Variants in SWSAP1 observed in about 807,000 individuals in gnomAD.
SWSAP1 encodes SWIM-type zinc finger 7 associated protein 1, also known as ATPase SWSAP1.
In SWSAP1, 4 loss-of-function variants were observed where a neutral mutation model predicts 5.6. The observed-to-expected ratio is 0.72, with a 90% CI of 0.35 to 1.64. SWSAP1 has a LOEUF of 1.64. SWSAP1 is among the 40% of genes most tolerant of loss of function. SWSAP1 has a pLI of 0.05. For synonymous variants in SWSAP1, 139 were observed against 143.3 expected (o/e 0.97, Z 0.22); for missense variants, 354 against 319.8 (o/e 1.11, Z -0.82).
rs1411739576 is a variant in SWSAP1, at chr19:11,375,905, A to G, written c.642A>G (p.Thr214=). Residue 214 remains threonine (T), a synonymous_variant, in exon 2 of 2, where the codon ACA becomes ACG. Coordinates refer to ENST00000674460, the MANE Select transcript of SWSAP1 (RefSeq NM_175871.4). ...AGCCAGGCGGGCTGGGCCCCAGAAC[A>G]GAGTGGTGGGTGACTTTCCGATCAG... ...CLEPGGLGPR[T]EWWVTFRSDG... is the part of the protein sequence containing the mutation. 4 of 1,614,060 alleles carry G rather than the reference A, an allele frequency of 2.5e-6. No individual in the cohort carries two copies. The highest frequency in any genetic ancestry group is 3.4e-6 in the Non-Finnish European group (4 of 1,180,014).
chr19:11,375,801 C>T lies in SWSAP1; in HGVS notation c.538C>T (p.Gln180Ter). ...SGDVLHLALL[Q>*]RYFPAQCWLQ... Reference sequence around the variant, plus strand: ...GGACGTCCTGCACCTGGCACTGCTCCAGCGGTATTTTCCTGCCCAGTGCTG... The same window carrying T: ...GGACGTCCTGCACCTGGCACTGCTCTAGCGGTATTTTCCTGCCCAGTGCTG... The change falls in exon 2 of 2, where the codon CAG becomes TAG. Residue 180 changes from glutamine to a stop codon, truncating the protein, a stop_gained. Transcript: ENST00000674460. LOFTEE classifies it low-confidence loss of function (END_TRUNC). 1 of 1,614,206 alleles carries T rather than the reference C, an allele frequency of 6.2e-7. No individual in the cohort carries two copies. The highest frequency in any genetic ancestry group is 8.5e-7 in the Non-Finnish European group (1 of 1,180,046).
intron 1 of SWSAP1, 100 bp from the exon 2 acceptor site, chr19:11,375,413 A>G: frequency 1.3e-6 from 2 of 1,507,324 alleles, no homozygotes; most frequent in Non-Finnish European, 1.8e-6. Context: ...GAACTGGTTC[A>G]TCCTGGAACC....
At chr19:11,374,982 G>A (rs1968260049) in intron 1 of SWSAP1, 53 bp downstream of exon 1, 3 of 1,595,336 alleles carry the variant, frequency 1.9e-6, no homozygotes, top group African/African-American at 1.3e-5. Context: ...GAGTAGATCC[G>A]GGATATTGAG....
In SWSAP1 at chr19:11,374,936, G is replaced by A. The variant is rs200765940; in HGVS notation, c.249+7G>A. ...AGACCCAATGCGACTCCAGGTAACC[G>A]TGGGGGTGGGAGCAGAGGCGTTCTA... On this transcript the variant is annotated splice_region_variant and intron_variant, in intron 1 of 1. Transcript: ENST00000674460. 6.2e-7 allele frequency: 1 copy of A among 1,612,838 alleles called. No homozygotes were observed. Among genetic ancestry groups the A allele is most frequent in the African/African-American group, 1.3e-5 (1 of 75,054 alleles).
In SWSAP1 at chr19:11,375,482, TC is replaced by T. The variant is rs1326709040; in HGVS notation, c.250-29del. The T allele has an allele frequency of 2.5e-6, 4 of 1,577,912 alleles. No individual in the cohort carries two copies. In the Admixed American group the frequency reaches 7.5e-5, roughly 30 times the overall value. On this transcript the variant is annotated intron_variant, in intron 1 of 1. Coordinates refer to ENST00000674460, the MANE Select transcript of SWSAP1 (RefSeq NM_175871.4). ...AAGGAGTCTGGCTTCCTGTGCTGAA[TC>T]CGGCCCTTTCCTTCTGTTTCTCCTT...
chr19:11,375,990 G>T lies in SWSAP1; in HGVS notation c.727G>T (p.Gly243Cys). ...GGCTGGTGACCCCAGCTCAGGCAAG[G>T]GTTCAAGCTCTGGAGGCCAGCCCTG... is the stretch of plus-strand genomic sequence containing the variant. Reference protein sequence around the residue: ...TQAGDPSSGKGSSSGGQP With the variant: ...TQAGDPSSGKCSSSGGQP The change falls in exon 2 of 2, where the codon GGT (glycine) becomes TGT (cysteine). Residue 243 changes from glycine (G) to cysteine (C), a missense_variant. Coordinates refer to ENST00000674460, the MANE Select transcript of SWSAP1 (RefSeq NM_175871.4). 1.2e-6 allele frequency: 2 copies of T among 1,607,676 alleles called. No individual in the cohort carries two copies. Among genetic ancestry groups the T allele is most frequent in the Non-Finnish European group, 1.7e-6 (2 of 1,176,496 alleles).
Position 11,376,168 on chromosome 19 carries a change from A to G in SWSAP1, c.*152A>G. 4 of 760,312 alleles carry G rather than the reference A, an allele frequency of 5.3e-6. No individual in the cohort carries two copies. Among genetic ancestry groups the G allele is most frequent in the Non-Finnish European group, 6.1e-6 (3 of 491,710 alleles). The allele number at this position is 760,312 out of a possible 1,614,324, so 47.1% of individuals were successfully genotyped here. A position where few individuals can be genotyped will look rare whatever the true frequency, so the allele number is the denominator to read the frequency against. ...TATCTTGTATATATTTTACCCAATC[A>G]ATATGTTGTTTATAGTTTCATTGCT... On this transcript the variant is annotated 3_prime_UTR_variant, in exon 2 of 2. Transcript: ENST00000674460.
At chr19:11,375,486 G>A (rs763559125) in intron 1 of SWSAP1, 27 bp from the exon 2 acceptor site, 2 of 1,582,778 alleles carry the variant, frequency 1.3e-6, no homozygotes, top group Admixed American at 1.9e-5. Flanking sequence ...GCTGAATCCG[G>A]CCCTTTCCTT....
At position 11,375,838 on chromosome 19, in the gene SWSAP1, A is replaced by G. The variant is rs317926; in HGVS notation, c.575A>G (p.Asp192Gly). 2.4e-3 allele frequency: 3,872 copies of G among 1,614,148 alleles called. 72 individuals are homozygous for G. In the African/African-American group the frequency reaches 0.042, roughly 17 times the overall value. ...YFPAQCWLQPDAPGPGEHGLR... is the reference protein window; with the variant it reads ...YFPAQCWLQPGAPGPGEHGLR... ...CCTGCCCAGTGCTGGCTGCAGCCAGATGCACCAGGTCCAGGAGAGCACGGC... is the reference window on the plus strand; with the variant it reads ...CCTGCCCAGTGCTGGCTGCAGCCAGGTGCACCAGGTCCAGGAGAGCACGGC... Residue 192 changes from aspartate to glycine, a missense_variant, in exon 2 of 2, where the codon GAT (aspartate) becomes GGT (glycine). Coordinates refer to ENST00000674460, the MANE Select transcript of SWSAP1 (RefSeq NM_175871.4).
Sources: allele counts gnomAD v4.1 joint callset, GRCh38; gene constraint gnomAD v4.1.1; transcripts MANE v1.5; gene names NCBI Gene and HGNC (gene_info 2026-07-23, HGNC 2026-07-21).